The following RAP1GAP2 variants were observed in gnomAD, a reference collection of about 807,000 sequenced individuals.
RAP1GAP2 encodes the protein rap1 GTPase-activating protein 2.
Under a neutral mutation model 95.0 loss-of-function variants are expected in RAP1GAP2, and 27 were observed. The observed-to-expected ratio is 0.28, with a 90% CI of 0.21 to 0.39. The LOEUF is 0.39. Ranked by LOEUF, RAP1GAP2 falls within the 10% of genes least tolerant of loss-of-function variation. The pLI, the probability that RAP1GAP2 is intolerant of heterozygous loss-of-function variation, is 1.00. For missense variants in RAP1GAP2, 771 were observed against 970.0 expected (o/e 0.79, Z 2.72); for synonymous variants, 373 against 380.9 (o/e 0.98, Z 0.24).
chr17:2,821,580 C>A (rs1243191357), intron 2 of RAP1GAP2, among the ~76,000 whole-genome samples: 1 of 151,596 alleles, frequency 6.6e-6, no homozygotes, highest in African/African-American at 2.4e-5. Flanking sequence ...TGCCATGTTG[C>A]CCAGGCTGGT....
chr17:2,892,399 G>A (rs973252889), intron 2 of RAP1GAP2, among the ~76,000 whole-genome samples: 5 of 152,154 alleles, frequency 3.3e-5, no homozygotes, highest in Admixed American at 2.6e-4. Flanking sequence ...CAGCTAGGGC[G>A]TGTTGGAGAT....
At position 2,855,856 on chromosome 17, in the gene RAP1GAP2, C is replaced by T. The variant is rs1033491629; in HGVS notation, c.81-49428C>T. On this transcript the variant is annotated intron_variant, in intron 2 of 24. Coordinates refer to ENST00000254695, the MANE Select transcript of RAP1GAP2 (RefSeq NM_015085.5). The surrounding 1 kb of genome is among the most constrained non-coding windows in gnomAD (Gnocchi z 4.3). ...CTCAAACTCCTGAGCTCAGGCGATC[C>T]ACCTGCCTCGGCCTCTCAAAGTGCT... Among the ~76,000 whole-genome samples the T allele has an allele frequency of 2.6e-5, 4 of 152,220 alleles. No individual in the cohort carries two copies. The highest frequency in any genetic ancestry group is 2.0e-4 in the Admixed American group (3 of 15,270).
At chr17:2,995,568 C>T (rs2045922594) in intron 13 of RAP1GAP2, 102 bp downstream of exon 13, 1 of 1,474,150 alleles carries the variant, frequency 6.8e-7, no homozygotes, top group Non-Finnish European at 9.2e-7. Flanking sequence ...CATATTCGTT[C>T]CCGTAGCCGG....
chr17:2,891,879 A>C (rs1315118712), intron 2 of RAP1GAP2, among the ~76,000 whole-genome samples: 1 of 116,890 alleles, frequency 8.6e-6, no homozygotes, highest in African/African-American at 3.3e-5. Context: ...GCTGGAGTGT[A>C]ATGATGTGAT....
At chr17:2,786,616 C>A (rs1423260494) in intron 1 of RAP1GAP2, among the ~76,000 whole-genome samples, 1 of 150,894 alleles carries the variant, frequency 6.6e-6, no homozygotes, top group Non-Finnish European at 1.5e-5. Flanking sequence ...CGGTCCAAGC[C>A]TTTCTTTTCT....
At chr17:2,881,915 G>A (rs537660203) in intron 2 of RAP1GAP2, among the ~76,000 whole-genome samples, 1 of 152,016 alleles carries the variant, frequency 6.6e-6, no homozygotes, top group African/African-American at 2.4e-5. Context: ...CTGTCTCCCG[G>A]GTTCACGCCA....
chr17:2,875,714 C>G (rs1032866724), intron 2 of RAP1GAP2, among the ~76,000 whole-genome samples: 3 of 152,058 alleles, frequency 2.0e-5, no homozygotes, highest in Non-Finnish European at 1.5e-5. Context: ...TTCCCTCCGT[C>G]TCGCCGCCTG....
chr17:2,921,201 T>C (rs1469491827), intron 3 of RAP1GAP2, among the ~76,000 whole-genome samples: 3 of 145,038 alleles, frequency 2.1e-5, no homozygotes, highest in Non-Finnish European at 4.5e-5. Flanking sequence ...ATTTCTTATC[T>C]TTTTTTTTTC....
intron 3 of RAP1GAP2, among the ~76,000 whole-genome samples, chr17:2,948,918 C>T (rs929649359): frequency 2.0e-5 from 3 of 152,324 alleles, no homozygotes; most frequent in Non-Finnish European, 2.9e-5. Flanking sequence ...GCACCCGAAC[C>T]GGCAAGTAGG....
chr17:2,973,958 G>T (rs942921206), intron 8 of RAP1GAP2, among the ~76,000 whole-genome samples: 1 of 152,112 alleles, frequency 6.6e-6, no homozygotes, highest in Non-Finnish European at 1.5e-5. Flanking sequence ...GATAATCTAT[G>T]ATCTAATGAG....
At chr17:2,846,101 T>C (rs2071575525) in intron 2 of RAP1GAP2, among the ~76,000 whole-genome samples, 1 of 151,582 alleles carries the variant, frequency 6.6e-6, no homozygotes, top group Non-Finnish European at 1.5e-5. Context: ...GAGAATTGCT[T>C]GAACCCGGGA....
intron 24 of RAP1GAP2, 34 bp downstream of exon 24, chr17:3,032,483 G>A (rs1231896947): frequency 5.7e-6 from 9 of 1,591,476 alleles, no homozygotes; most frequent in Middle Eastern, 1.7e-4. Context: ...GTGGCCGTGA[G>A]GGGGGACGTG....
intron 1 of RAP1GAP2, among the ~76,000 whole-genome samples, chr17:2,759,615 T>C (rs970162759): frequency 2.0e-5 from 3 of 152,100 alleles, no homozygotes; most frequent in Non-Finnish European, 4.4e-5. Context: ...CATACCCGGC[T>C]AATTTTTATA....
intron 1 of RAP1GAP2, among the ~76,000 whole-genome samples, chr17:2,766,258 T>A (rs528178862): frequency 3.3e-5 from 5 of 152,254 alleles, no homozygotes; most frequent in Admixed American, 2.6e-4. Context: ...AATGTTTGTG[T>A]CCCCGGAAAT....
chr17:2,791,277 C>A (rs527859830), intron 1 of RAP1GAP2, among the ~76,000 whole-genome samples: 1 of 152,282 alleles, frequency 6.6e-6, no homozygotes, highest in African/African-American at 2.4e-5. Flanking sequence ...GGGACTCTGG[C>A]TGGGACTTTG....
intron 2 of RAP1GAP2, among the ~76,000 whole-genome samples, chr17:2,830,908 G>T (rs1349559042): frequency 2.1e-5 from 3 of 143,418 alleles, no homozygotes; most frequent in African/African-American, 7.8e-5. Flanking sequence ...TCACATGTAA[G>T]ATGAGCATAT....
intron 2 of RAP1GAP2, among the ~76,000 whole-genome samples, chr17:2,823,862 A>C (rs942064419): frequency 6.6e-6 from 1 of 152,072 alleles, no homozygotes. Context: ...GGCGGCTCAC[A>C]CCTGTCATCC....
At position 2,825,946 on chromosome 17, in the gene RAP1GAP2, A is replaced by AG. The variant is rs1437098429; in HGVS notation, c.80+25401dup. Among the ~76,000 whole-genome samples, 1 of 127,958 alleles carries AG rather than the reference A, an allele frequency of 7.8e-6. No homozygotes were observed. Among genetic ancestry groups the AG allele is most frequent in the Non-Finnish European group, 1.8e-5 (1 of 56,480 alleles). 83.9% of individuals were successfully genotyped at this position (127,958 alleles called of 152,430 possible). ...GGAATCCCTAGGAAGAGAAGGTTGC[A>AG]GGGGGCATTTTTTTTCTTTTTTCTT... On this transcript the variant is annotated intron_variant, in intron 2 of 24. Transcript: ENST00000254695. This position sits in a 1 kb window ranked among gnomAD's most constrained non-coding sequence, Gnocchi z 4.1.
chr17:2,775,492 G>C (rs1187896967), upstream of RAP1GAP2, among the ~76,000 whole-genome samples: 1 of 152,002 alleles, frequency 6.6e-6, no homozygotes, highest in Non-Finnish European at 1.5e-5. Context: ...GTGGTGGGGA[G>C]GGGGCACGGG....
Sources: allele counts gnomAD v4.1 joint callset (sites outside exome capture counted in the v4.1 genomes callset), GRCh38; gene constraint gnomAD v4.1.1; non-coding constraint Gnocchi (gnomAD v3.1); transcripts MANE v1.5; gene names NCBI Gene and HGNC (gene_info 2026-07-23, HGNC 2026-07-21).